TAFA2: variants seen among roughly 807,000 people sequenced by gnomAD.
TAFA2 encodes the protein TAFA chemokine like family member 2.
TAFA2 carries 7 observed loss-of-function variants against 18.8 expected under a neutral mutation model. The observed-to-expected ratio is 0.37, with a 90% CI of 0.21 to 0.70. The LOEUF is 0.70. TAFA2 is among the 30% of genes least tolerant of loss of function. The pLI, the probability that TAFA2 is intolerant of heterozygous loss-of-function variation, is 0.53. For synonymous variants in TAFA2, 60 were observed against 54.2 expected (o/e 1.11, Z -0.47); for missense variants, 122 against 158.1 (o/e 0.77, Z 1.23).
At chr12:62,109,669 A>T (rs1869631019) in intron 1 of TAFA2, among the ~76,000 whole-genome samples, 1 of 152,170 alleles carries the variant, frequency 6.6e-6, no homozygotes, top group Non-Finnish European at 1.5e-5. Flanking sequence ...AATGGTTTGT[A>T]GTTCTCCTCA....
intron 1 of TAFA2, among the ~76,000 whole-genome samples, chr12:62,184,582 C>T (rs1185956413): frequency 7.1e-6 from 1 of 140,804 alleles, no homozygotes; most frequent in Non-Finnish European, 1.5e-5. Flanking sequence ...CAGCTGTGAC[C>T]TCCCAGGCTC....
At chr12:61,969,007 T>G (rs1879157631) in intron 1 of TAFA2, among the ~76,000 whole-genome samples, 1 of 151,870 alleles carries the variant, frequency 6.6e-6, no homozygotes, top group South Asian at 2.1e-4. Context: ...ATTGTGATTA[T>G]TAAATGGAAT....
At chr12:62,019,911 A>G (rs900174276) in intron 1 of TAFA2, among the ~76,000 whole-genome samples, 11 of 152,146 alleles carry the variant, frequency 7.2e-5, no homozygotes, top group Admixed American at 1.3e-4. Flanking sequence ...CAATTTAATT[A>G]TTTTCAATTT....
intron 2 of TAFA2, among the ~76,000 whole-genome samples, chr12:61,772,697 G>A (rs976262210): frequency 3.3e-5 from 5 of 151,692 alleles, no homozygotes; most frequent in Non-Finnish European, 7.4e-5. Flanking sequence ...ATCAGCATAG[G>A]AGGGACATAT....
chr12:61,750,569 C>T (rs1280971385), intron 4 of TAFA2, among the ~76,000 whole-genome samples: 28 of 152,016 alleles, frequency 1.8e-4, no homozygotes, highest in Admixed American at 1.6e-3. Context: ...GTAGTAAGTA[C>T]AATATAGGCT....
intron 2 of TAFA2, among the ~76,000 whole-genome samples, chr12:61,767,164 C>T (rs1310567860): frequency 6.6e-6 from 1 of 152,126 alleles, no homozygotes; most frequent in African/African-American, 2.4e-5. Flanking sequence ...AAAGCCTGCT[C>T]ATCAGAGAAG....
At chr12:61,948,576 G>A (rs1179999663) in intron 1 of TAFA2, among the ~76,000 whole-genome samples, 1 of 151,950 alleles carries the variant, frequency 6.6e-6, no homozygotes, top group Non-Finnish European at 1.5e-5. Flanking sequence ...ACACAAAACT[G>A]GCAGAACAAA....
intron 4 of TAFA2, among the ~76,000 whole-genome samples, chr12:61,714,869 G>T (rs993538022): frequency 6.6e-6 from 1 of 152,174 alleles, no homozygotes; most frequent in African/African-American, 2.4e-5. Context: ...TCCGCAGGAG[G>T]TAACATATTA....
chr12:61,752,946 A>G (rs1038195794), intron 4 of TAFA2, among the ~76,000 whole-genome samples: 5 of 152,060 alleles, frequency 3.3e-5, no homozygotes, highest in Admixed American at 3.3e-4. Context: ...AAGAATTCAA[A>G]TTCTGCCAGT....
At chr12:61,958,454 C>A (rs1429641225) in intron 1 of TAFA2, among the ~76,000 whole-genome samples, 3 of 151,866 alleles carry the variant, frequency 2.0e-5, no homozygotes, top group African/African-American at 4.8e-5. Flanking sequence ...TAGATAAGTA[C>A]CTTTTTCCCT....
At chr12:62,114,614 T>G (rs1869880539) in intron 1 of TAFA2, among the ~76,000 whole-genome samples, 1 of 152,220 alleles carries the variant, frequency 6.6e-6, no homozygotes, top group Non-Finnish European at 1.5e-5. Context: ...CAATTACCAT[T>G]GCCAGGCATA....
At chr12:61,942,491 G>C (rs1297038057) in intron 1 of TAFA2, among the ~76,000 whole-genome samples, 1 of 147,088 alleles carries the variant, frequency 6.8e-6, no homozygotes, top group Non-Finnish European at 1.5e-5. Context: ...GGCTTCAGAC[G>C]ATCAAATTAC....
At position 61,897,538 on chromosome 12, in the gene TAFA2, T is replaced by A. The variant is rs543208541; in HGVS notation, c.-1-30112A>T. 3.5e-3 allele frequency among the ~76,000 whole-genome samples: 530 copies of A among 151,862 alleles called. 5 individuals carry two copies. The highest frequency in any genetic ancestry group is 2.8e-3 in the Non-Finnish European group (192 of 67,954). On this transcript the variant is annotated intron_variant, in intron 1 of 4. Transcript: ENST00000416284. ...CAGGCATGTCTTACATGGCAGCAGG[T>A]GAGAGAGAGAGGAATGAGTGTGAAG...
At chr12:62,040,979 G>C (rs1187439974) in intron 1 of TAFA2, among the ~76,000 whole-genome samples, 3 of 152,096 alleles carry the variant, frequency 2.0e-5, no homozygotes. Flanking sequence ...CTTGAGCCGT[G>C]AACAAGAAAG....
chr12:61,930,698 T>A (rs1301786391), intron 1 of TAFA2, among the ~76,000 whole-genome samples: 2 of 152,236 alleles, frequency 1.3e-5, no homozygotes, highest in Admixed American at 6.5e-5. Flanking sequence ...CCAACAGACT[T>A]ACTTCCACGC....
chr12:61,758,306 A>G (rs1425709428), intron 2 of TAFA2, among the ~76,000 whole-genome samples: 1 of 151,924 alleles, frequency 6.6e-6, no homozygotes, highest in African/African-American at 2.4e-5. Flanking sequence ...ATTTTTTTAA[A>G]CGGATGCTTT....
intron 1 of TAFA2, among the ~76,000 whole-genome samples, chr12:62,217,133 C>G (rs1018462404): frequency 6.6e-6 from 1 of 152,240 alleles, no homozygotes; most frequent in Admixed American, 6.5e-5. Context: ...TTGGCAAATA[C>G]TGCTTTTACC....
chr12:61,861,741 A>T (rs1874138023), intron 2 of TAFA2, among the ~76,000 whole-genome samples: 1 of 152,200 alleles, frequency 6.6e-6, no homozygotes, highest in Admixed American at 6.5e-5. Flanking sequence ...TCATCTTTAA[A>T]ATTTGGTTAT....
rs773084638 is a variant in TAFA2 at position 61,840,298 on chromosome 12, T to C, written c.106+27022A>G. 3.2e-4 allele frequency among the ~76,000 whole-genome samples: 49 copies of C among 152,188 alleles called. No individual in the cohort carries two copies. The Middle Eastern group carries it at 0.01, about 32-fold the overall frequency. ...TGCCTGACGTGCCTCAGTTCTGTAT[T>C]TCACTGTGCCTGGATATTTATATCG... On this transcript the variant is annotated intron_variant, in intron 2 of 4. Transcript: ENST00000416284.
Sources: gnomAD v4.1 joint callset for allele counts (sites outside exome capture counted in the v4.1 genomes callset) on GRCh38, gnomAD v4.1.1 for gene constraint, MANE v1.5 for transcripts, NCBI Gene and HGNC (gene_info 2026-07-23, HGNC 2026-07-21) for gene names.